Variants in GNA12 observed in about 807,000 individuals in gnomAD.
GNA12 encodes guanine nucleotide-binding protein subunit alpha-12.
Under a neutral mutation model 26.0 loss-of-function variants are expected in GNA12, and 9 were observed. The ratio of observed to expected loss-of-function variants is 0.35; its 90% CI spans 0.21 to 0.60. The LOEUF is 0.60. GNA12 is among the 20% of genes least tolerant of loss of function. The pLI is 0.78. For synonymous variants in GNA12, 264 were observed against 219.6 expected (o/e 1.20, Z -1.79); for missense variants, 405 against 525.8 (o/e 0.77, Z 2.25).
chr7:2,736,660 C>G (rs886983767), intron 2 of GNA12, among the ~76,000 whole-genome samples: 9 of 152,226 alleles, frequency 5.9e-5, no homozygotes, highest in Non-Finnish European at 1.2e-4. Context: ...CATGAGGAGA[C>G]CGCCTTTCTG....
chr7:2,732,850 G>C (rs961722340), intron 3 of GNA12, among the ~76,000 whole-genome samples: 2 of 152,194 alleles, frequency 1.3e-5, no homozygotes, highest in Non-Finnish European at 2.9e-5. Context: ...AAGTGATCCT[G>C]ACCAATGGCA....
chr7:2,738,050 T>C (rs148207827), intron 2 of GNA12, among the ~76,000 whole-genome samples: 33 of 152,292 alleles, frequency 2.2e-4, no homozygotes, highest in Middle Eastern at 3.4e-3. Flanking sequence ...CACATTCATA[T>C]ACATTAGAAA....
At position 2,765,282 on chromosome 7, in the gene GNA12, G is replaced by A. The variant is rs867427603; in HGVS notation, c.525+29646C>T. Among the ~76,000 whole-genome samples the A allele has an allele frequency of 1.0e-3, 155 of 152,050 alleles. 1 individual carries two copies. Among genetic ancestry groups the A allele is most frequent in the Middle Eastern group, 6.8e-3 (2 of 294 alleles). On this transcript the variant is annotated intron_variant, in intron 2 of 3. Transcript: ENST00000275364. ...CCTGCCTCAGCCTCCCGAGTAGCTG[G>A]GACCACAGGCACCCGCCACTGCGCC...
At chr7:2,759,556 A>G (rs1056133246) in intron 2 of GNA12, among the ~76,000 whole-genome samples, 3 of 152,222 alleles carry the variant, frequency 2.0e-5, no homozygotes, top group Non-Finnish European at 2.9e-5. Context: ...ATACTAGAAT[A>G]GTGGTGACGC....
At chr7:2,765,733 C>T (rs553879310) in intron 2 of GNA12, among the ~76,000 whole-genome samples, 9 of 151,966 alleles carry the variant, frequency 5.9e-5, no homozygotes, top group Non-Finnish European at 1.0e-4. Context: ...TGGGTTCAAG[C>T]GATTCTCCTG....
Position 2,807,895 on chromosome 7 carries a change from G to A in GNA12, c.310-12752C>T, listed in dbSNP as rs551702989. 2.8e-3 allele frequency among the ~76,000 whole-genome samples: 429 copies of A among 152,216 alleles called. 3 individuals are homozygous for A. Among genetic ancestry groups the A allele is most frequent in the Non-Finnish European group, 2.9e-3 (196 of 68,010 alleles). ...GCACACACACGACCGAAGAGCAGCC[G>A]CTGAGCTCATGAAAAACCTGTTCGC... On this transcript the variant is annotated intron_variant, in intron 1 of 3. Transcript: ENST00000275364.
chr7:2,799,243 T>C (rs1792751347), intron 1 of GNA12, among the ~76,000 whole-genome samples: 1 of 152,202 alleles, frequency 6.6e-6, no homozygotes, highest in Non-Finnish European at 1.5e-5. Context: ...ACATCTGCCA[T>C]ATCTGACAAA....
At chr7:2,795,586 G>A (rs1792643977) in intron 1 of GNA12, among the ~76,000 whole-genome samples, 2 of 147,328 alleles carry the variant, frequency 1.4e-5, no homozygotes, top group South Asian at 4.2e-4. Flanking sequence ...TATGATTGCT[G>A]CACTATATTC....
intron 1 of GNA12, among the ~76,000 whole-genome samples, chr7:2,799,211 G>A (rs1411285528): frequency 6.6e-6 from 1 of 152,094 alleles, no homozygotes; most frequent in Non-Finnish European, 1.5e-5. Context: ...CTATGAACTG[G>A]GAGAAAATAT....
chr7:2,823,399 G>A (rs1279481668), intron 1 of GNA12, among the ~76,000 whole-genome samples: 2 of 152,160 alleles, frequency 1.3e-5, no homozygotes, highest in Non-Finnish European at 2.9e-5. Flanking sequence ...GGACTTTGAC[G>A]GCATATGCAG....
At chr7:2,826,100 C>T (rs1310902122) in intron 1 of GNA12, among the ~76,000 whole-genome samples, 2 of 152,046 alleles carry the variant, frequency 1.3e-5, no homozygotes, top group South Asian at 2.1e-4. Context: ...ATACTCGGGC[C>T]GGGGGCGGTG....
At chr7:2,764,812 G>C (rs145201536) in intron 2 of GNA12, 65 of 152,304 alleles carry the variant, frequency 4.3e-4, no homozygotes, top group African/African-American at 1.5e-3. Flanking sequence ...ACCCTGAAGG[G>C]AACACTGAGA....
chr7:2,812,058 A>G lies in GNA12; in HGVS notation c.310-16915T>C, dbSNP rs2115482950. ...CTCAAGAGAACCCGCGTTTCACGCGACTCCTCTCCAAAAACCTGAAAAAAC... is the reference window on the plus strand; with the variant it reads ...CTCAAGAGAACCCGCGTTTCACGCGGCTCCTCTCCAAAAACCTGAAAAAAC... On this transcript the variant is annotated intron_variant, in intron 1 of 3. Transcript: ENST00000275364. Among the ~76,000 whole-genome samples, 3 of 152,296 alleles carry G rather than the reference A, an allele frequency of 2.0e-5. No individual in the cohort carries two copies. The Middle Eastern group carries it at 0.01, about 518-fold the overall frequency.
chr7:2,814,298 G>C (rs776952704), intron 1 of GNA12: 5 of 1,418,886 alleles, frequency 3.5e-6, no homozygotes, highest in Admixed American at 1.7e-5. Flanking sequence ...GGAGTTGAAC[G>C]GAGTGAGACT....
chr7:2,776,521 C>G (rs917145811), intron 2 of GNA12, among the ~76,000 whole-genome samples: 5 of 152,200 alleles, frequency 3.3e-5, no homozygotes, highest in African/African-American at 9.7e-5. Flanking sequence ...AGGGCTGGCC[C>G]ACATTCAACG....
intron 1 of GNA12, chr7:2,814,852 G>C (rs1046778630): frequency 3.8e-6 from 6 of 1,596,362 alleles, no homozygotes; most frequent in Non-Finnish European, 5.1e-6. Context: ...GGTGTGCACT[G>C]CTCCCCTCCA....
At chr7:2,826,946 T>C (rs1370544538) in intron 1 of GNA12, among the ~76,000 whole-genome samples, 1 of 152,156 alleles carries the variant, frequency 6.6e-6, no homozygotes, top group Non-Finnish European at 1.5e-5. Flanking sequence ...GTTAATAATA[T>C]ATTCATATTC....
chr7:2,790,706 C>T (rs951330481), intron 2 of GNA12, among the ~76,000 whole-genome samples: 9 of 152,202 alleles, frequency 5.9e-5, no homozygotes, highest in Non-Finnish European at 2.9e-5. Context: ...TGGTGGTATG[C>T]ACCTGTAATC....
intron 1 of GNA12, among the ~76,000 whole-genome samples, chr7:2,815,745 C>T (rs940089021): frequency 5.9e-5 from 9 of 152,230 alleles, no homozygotes; most frequent in Admixed American, 2.0e-4. Context: ...GCTGTGCCTC[C>T]TGTTTCTACA....
Sources: gnomAD v4.1 joint callset for allele counts (sites outside exome capture counted in the v4.1 genomes callset) on GRCh38, gnomAD v4.1.1 for gene constraint, MANE v1.5 for transcripts, NCBI Gene and HGNC (gene_info 2026-07-23, HGNC 2026-07-21) for gene names.